Variants in ZFHX3 observed in about 807,000 individuals in gnomAD.
The protein encoded by ZFHX3 is zinc finger homeobox 3.
Under a neutral mutation model 279.1 loss-of-function variants are expected in ZFHX3, and 42 were observed. That is an observed-to-expected ratio of 0.15 (90% confidence interval 0.12 to 0.19). The LOEUF (loss-of-function observed/expected upper bound fraction) is 0.19, where lower values mean the gene tolerates loss of function less well. ZFHX3 is among the 10% of genes least tolerant of loss of function. ZFHX3 has a pLI of 1.00. For missense variants in ZFHX3, 4,981 were observed against 4,754.0 expected, an observed-to-expected ratio of 1.05 and a Z score of -1.40; for synonymous variants, 2,293 against 1,957.8, an observed-to-expected ratio of 1.17 and a Z score of -4.52.
At chr16:72,944,819 T>C (rs1185478839) in intron 3 of ZFHX3, among the ~76,000 whole-genome samples, 6 of 152,128 alleles carry the variant, frequency 3.9e-5, no homozygotes, top group Admixed American at 1.3e-4. Context: ...GTCAGTTCTT[T>C]ACTATCCACA....
rs577302748 is a variant in ZFHX3 at position 73,236,019 on chromosome 16, T to A, written c.-1104+21028A>T. On this transcript the variant is annotated intron_variant, in intron 5 of 17. Transcript: ENST00000641206. ...CCATCTATGAGTTAAGTGAAACATATTTGCAAAGACAGTTTTAGCCTACAG... is the reference window on the plus strand; with the variant it reads ...CCATCTATGAGTTAAGTGAAACATAATTGCAAAGACAGTTTTAGCCTACAG... Among the ~76,000 whole-genome samples, 27 of 152,350 alleles carry A rather than the reference T, an allele frequency of 1.8e-4. 1 individual carries two copies. Among genetic ancestry groups the A allele is most frequent in the Admixed American group, 1.1e-3 (17 of 15,306 alleles).
intron 3 of ZFHX3, among the ~76,000 whole-genome samples, chr16:73,358,151 C>T (rs780074050): frequency 7.2e-5 from 11 of 152,230 alleles, no homozygotes; most frequent in Non-Finnish European, 1.5e-4. Flanking sequence ...TTGCTTTGTA[C>T]GGATTTGTGC....
chr16:73,099,086 ATGTGAATTGGACATGTCTATAGAG>A (rs1234792527), intron 7 of ZFHX3: 7 of 152,198 alleles, frequency 4.6e-5, no homozygotes, highest in African/African-American at 1.7e-4. Flanking sequence ...AAGAGCTGAA[ATGTGAATTGGACATGTCTATAGAG>A]TGTGAATTGG....
At chr16:73,154,368 T>C (rs938064009) in intron 5 of ZFHX3, among the ~76,000 whole-genome samples, 2 of 152,230 alleles carry the variant, frequency 1.3e-5, no homozygotes, top group Non-Finnish European at 2.9e-5. Flanking sequence ...TCCGTTTTTC[T>C]GTACTTCCTC....
rs998827344 is a variant in ZFHX3 at position 72,787,046 on chromosome 16, T to C, written c.*118A>G. On this transcript the variant is annotated 3_prime_UTR_variant, in exon 10 of 10. Transcript: ENST00000268489. ...ACGCTTTTTCTTTTTTTTCTTTTTT[T>C]TTTTTTTTTTGTTTTTTGGTTAGAA... 42 of 1,016,222 alleles carry C rather than the reference T, an allele frequency of 4.1e-5. 1 individual carries two copies. The highest frequency in any genetic ancestry group is 3.8e-4 in the Middle Eastern group (1 of 2,650). 63.0% of individuals were successfully genotyped at this position (1,016,222 alleles called of 1,614,324 possible). A position where few individuals can be genotyped will look rare whatever the true frequency, so the allele number is the denominator to read the frequency against.
intron 4 of ZFHX3, among the ~76,000 whole-genome samples, chr16:72,874,163 T>G (rs892121167): frequency 1.5e-4 from 22 of 151,458 alleles, no homozygotes; most frequent in Admixed American, 1.3e-3. Flanking sequence ...CAGCCTCACT[T>G]TCTTGTGCCT....
At chr16:72,966,831 G>A (rs1177806835) in intron 1 of ZFHX3, among the ~76,000 whole-genome samples, 1 of 152,134 alleles carries the variant, frequency 6.6e-6, no homozygotes. Context: ...AGAGAGGTGG[G>A]GTCACTATAA....
At chr16:73,118,037 A>G (rs1023688376) in intron 7 of ZFHX3, among the ~76,000 whole-genome samples, 2 of 152,194 alleles carry the variant, frequency 1.3e-5, no homozygotes, top group African/African-American at 4.8e-5. Flanking sequence ...CCCCAAAATC[A>G]CACCAGAGGT....
chr16:73,278,096 T>A (rs1049310696), intron 4 of ZFHX3, among the ~76,000 whole-genome samples: 3 of 152,156 alleles, frequency 2.0e-5, no homozygotes, highest in African/African-American at 7.2e-5. Flanking sequence ...ACCATACCAG[T>A]CTATTTAAAT....
chr16:73,000,345 G>A (rs191876394), intron 1 of ZFHX3, among the ~76,000 whole-genome samples: 8 of 152,314 alleles, frequency 5.3e-5, no homozygotes, highest in Admixed American at 5.2e-4. Context: ...AGCCATCCGG[G>A]AACAATGGTC....
chr16:73,057,704 C>T (rs1276190067), intron 1 of ZFHX3, among the ~76,000 whole-genome samples: 1 of 151,652 alleles, frequency 6.6e-6, no homozygotes, highest in Non-Finnish European at 1.5e-5. Flanking sequence ...GGCAGAGTCC[C>T]CTCTGGGCGC....
chr16:73,492,182 C>T (rs2019066531), intron 2 of ZFHX3, among the ~76,000 whole-genome samples: 1 of 152,174 alleles, frequency 6.6e-6, no homozygotes, highest in Non-Finnish European at 1.5e-5. Context: ...TGACTCCAAC[C>T]TCTTTCCCAC....
At chr16:73,506,061 C>T (rs1434783745) in intron 2 of ZFHX3, among the ~76,000 whole-genome samples, 1 of 152,184 alleles carries the variant, frequency 6.6e-6, no homozygotes, top group Non-Finnish European at 1.5e-5. Flanking sequence ...CCATGAAATT[C>T]ACTTCGCTCA....
chr16:73,349,059 A>T (rs981977025), intron 3 of ZFHX3, among the ~76,000 whole-genome samples: 1 of 152,206 alleles, frequency 6.6e-6, no homozygotes, highest in South Asian at 2.1e-4. Flanking sequence ...GGCATCAATT[A>T]ATAACAGATC....
chr16:73,169,564 C>T (rs1364695070), intron 5 of ZFHX3, among the ~76,000 whole-genome samples: 3 of 151,946 alleles, frequency 2.0e-5, no homozygotes. Flanking sequence ...ATCACTTGAA[C>T]CTGGGAGGCA....
intron 5 of ZFHX3, among the ~76,000 whole-genome samples, chr16:73,236,838 A>T (rs1226053159): frequency 6.6e-6 from 1 of 152,182 alleles, no homozygotes; most frequent in Admixed American, 6.5e-5. Flanking sequence ...AAAGATAGAA[A>T]TCCCCAGAAG....
chr16:73,253,087 G>A (rs1158245553), intron 5 of ZFHX3, among the ~76,000 whole-genome samples: 1 of 152,186 alleles, frequency 6.6e-6, no homozygotes, highest in East Asian at 1.9e-4. Flanking sequence ...ACTGAGCACG[G>A]CAAAGTGCTA....
At chr16:73,423,249 A>G (rs940013082) in intron 3 of ZFHX3, among the ~76,000 whole-genome samples, 7 of 151,710 alleles carry the variant, frequency 4.6e-5, no homozygotes, top group African/African-American at 1.5e-4. Flanking sequence ...AAAAAATCAG[A>G]ATTCCTTCAA....
At chr16:72,880,278 A>T (rs980216231) in intron 4 of ZFHX3, among the ~76,000 whole-genome samples, 1 of 152,206 alleles carries the variant, frequency 6.6e-6, no homozygotes, top group Non-Finnish European at 1.5e-5. Context: ...TGGGTAATAG[A>T]CTGAACTGTG....
Sources: gnomAD v4.1 joint callset for allele counts (sites outside exome capture counted in the v4.1 genomes callset) on GRCh38, gnomAD v4.1.1 for gene constraint, MANE v1.5 for transcripts, NCBI Gene and HGNC (gene_info 2026-07-23, HGNC 2026-07-21) for gene names.